Variants in RSF1 observed in about 807,000 individuals in gnomAD.
RSF1 encodes the protein remodeling and spacing factor 1.
A neutral mutation model predicts 145.2 loss-of-function variants in RSF1; 13 were observed. The observed-to-expected ratio is 0.09, with a 90% CI of 0.06 to 0.14. The LOEUF (loss-of-function observed/expected upper bound fraction) is 0.14. RSF1 is among the 10% of genes least tolerant of loss of function. The probability of loss-of-function intolerance (pLI) is 1.00; values close to 1 mark genes in which losing one functional copy is unlikely to be tolerated. For synonymous variants in RSF1, 577 were observed against 592.6 expected, an observed-to-expected ratio of 0.97 and a Z score of 0.38; for missense variants, 1,517 against 1,718.2, an observed-to-expected ratio of 0.88 and a Z score of 2.07.
chr11:77,779,476 G>C (rs1056353295), intron 1 of RSF1, among the ~76,000 whole-genome samples: 8 of 151,282 alleles, frequency 5.3e-5, no homozygotes, highest in African/African-American at 1.9e-4. Context: ...TCCGCCTCCT[G>C]GGTTCAAGCC....
chr11:77,686,500 T>C (rs1462843442), intron 9 of RSF1, among the ~76,000 whole-genome samples: 1 of 151,210 alleles, frequency 6.6e-6, no homozygotes, highest in Non-Finnish European at 1.5e-5. Flanking sequence ...TGCCTCTGTA[T>C]GTTAAATTGA....
the RSF1 span, among the ~76,000 whole-genome samples, chr11:77,863,933 CT>C: frequency 1.5e-4 from 22 of 148,022 alleles, no homozygotes; most frequent in Non-Finnish European, 2.3e-4. Flanking sequence ...AAGATGATCC[CT>C]TTTTTTTTTG....
At chr11:77,698,866 C>A (rs946644780) in intron 6 of RSF1, among the ~76,000 whole-genome samples, 173 bp from the exon 7 acceptor site, 4 of 152,048 alleles carry the variant, frequency 2.6e-5, no homozygotes, top group African/African-American at 9.7e-5. Context: ...GTATATATTT[C>A]CACTATTTTT....
intron 1 of RSF1, among the ~76,000 whole-genome samples, chr11:77,777,544 G>T (rs978072585): frequency 5.9e-5 from 9 of 152,170 alleles, no homozygotes; most frequent in Non-Finnish European, 2.9e-5. Flanking sequence ...GGTGAGCCAA[G>T]ATGGCACCAT....
the RSF1 span, chr11:77,869,194 AT>A: frequency 6.2e-3 from 1,354 of 218,198 alleles, 20 homozygotes; most frequent in African/African-American, 0.028. Context: ...TGTATTTGTC[AT>A]TTTGGCAAAT....
At chr11:77,759,136 G>A (rs2135932519) in intron 2 of RSF1, among the ~76,000 whole-genome samples, 1 of 152,270 alleles carries the variant, frequency 6.6e-6, no homozygotes, top group South Asian at 2.1e-4. Flanking sequence ...ATATGAAACA[G>A]TGTATCCACT....
chr11:77,768,159 A>G (rs568023736), intron 1 of RSF1, among the ~76,000 whole-genome samples: 4 of 137,566 alleles, frequency 2.9e-5, no homozygotes, highest in Non-Finnish European at 4.6e-5. Context: ...ACATATTATC[A>G]GCTTTTTTTT....
Position 77,740,721 on chromosome 11 carries a change from T to A in RSF1, c.578+10A>T. ...ACAAATAAGTGTAAAAAGGTTCCAATAAAAGATACCTGACAATGCATTTCC... is the reference window on the plus strand; with the variant it reads ...ACAAATAAGTGTAAAAAGGTTCCAAAAAAAGATACCTGACAATGCATTTCC... On this transcript the variant is annotated intron_variant, in intron 4 of 15. Transcript: ENST00000308488. 1 of 1,609,186 alleles carries A rather than the reference T, an allele frequency of 6.2e-7. No homozygotes were observed. The highest frequency in any genetic ancestry group is 8.5e-7 in the Non-Finnish European group (1 of 1,175,664).
rs757408319 is a variant in RSF1 at position 77,701,992 on chromosome 11, A to G, written c.1237T>C (p.Phe413Leu). The G allele has an allele frequency of 1.1e-5, 17 of 1,612,942 alleles. No homozygotes were observed. The highest frequency in any genetic ancestry group is 1.4e-5 in the Non-Finnish European group (17 of 1,179,740). ...TCTTGTTTTATTTCATCTTTCAAAA[A>G]CTCTTTTGTTGGAGTAACTGATTTA... The part of the protein sequence containing the change: ...LCKSVTPTKE[F>L]LKDEIKQEEE... Residue 413 changes from phenylalanine to leucine, a missense_variant, in exon 6 of 16, where the codon TTT becomes CTT. By Grantham distance (22) the Phe-to-Leu change is conservative (BLOSUM62 0). Around this residue, in one of 12 missense-constraint regions of RSF1, gnomAD observed 579 missense variants for 553.5 expected, o/e 1.05. Transcript: ENST00000308488.
intron 1 of RSF1, among the ~76,000 whole-genome samples, chr11:77,786,214 T>C (rs1404924360): frequency 1.3e-5 from 2 of 152,124 alleles, no homozygotes; most frequent in Non-Finnish European, 2.9e-5. Context: ...ACCATCATGC[T>C]TCCCATTAAT....
At chr11:77,788,273 AT>A (rs1948480890) in intron 1 of RSF1, among the ~76,000 whole-genome samples, 1 of 150,646 alleles carries the variant, frequency 6.6e-6, no homozygotes, top group South Asian at 2.1e-4. Flanking sequence ...AACAAAAAAA[AT>A]CAAACCTGAC....
At chr11:77,717,358 C>A (rs377033032) in intron 5 of RSF1, among the ~76,000 whole-genome samples, 2 of 152,022 alleles carry the variant, frequency 1.3e-5, no homozygotes, top group Non-Finnish European at 2.9e-5. Flanking sequence ...GTTCCTGGAC[C>A]CTCTCAACAT....
chr11:77,698,775 A>C lies in RSF1; in HGVS notation c.2509-82T>G. 2.5e-6 allele frequency: 3 copies of C among 1,191,578 alleles called. No individual in the cohort carries two copies. In the South Asian group the frequency reaches 3.9e-5, roughly 16 times the overall value. 73.8% of individuals were successfully genotyped at this position (1,191,578 alleles called of 1,614,324 possible). On this transcript the variant is annotated intron_variant, in intron 6 of 15. Transcript: ENST00000308488. ...CTCCTGATTACATGTCCATTGTATA[A>C]TAATATTCAGCCAATATACCAAAAA...
intron 1 of RSF1, among the ~76,000 whole-genome samples, chr11:77,820,188 G>A (rs954781674): frequency 1.3e-5 from 2 of 152,186 alleles, no homozygotes; most frequent in East Asian, 3.9e-4. Context: ...CCGCCAAGGG[G>A]GAGACGGGGT....
chr11:77,854,659 G>A, the RSF1 span, among the ~76,000 whole-genome samples: 3 of 152,310 alleles, frequency 2.0e-5, no homozygotes, highest in East Asian at 5.8e-4. Context: ...TGCAACCCCT[G>A]TGGCTGCTTT....
At chr11:77,683,655 G>A in intron 11 of RSF1, 55 bp downstream of exon 11, 1 of 1,136,744 alleles carries the variant, frequency 8.8e-7, no homozygotes, top group Non-Finnish European at 1.3e-6. Flanking sequence ...GGATCATGCT[G>A]TGTACTTGCA....
chr11:77,833,007 A>AT, the RSF1 span, among the ~76,000 whole-genome samples: 56 of 51,944 alleles, frequency 1.1e-3, 7 homozygotes, highest in Admixed American at 5.9e-3. Context: ...GTATATATAT[A>AT]TATTTTTTTT....
At chr11:77,763,077 AC>A (rs1948191840) in intron 2 of RSF1, 1 of 152,364 alleles carries the variant, frequency 6.6e-6, no homozygotes, top group Non-Finnish European at 1.5e-5. Flanking sequence ...ACGGTGGCTC[AC>A]GCCTGTAATC....
intron 1 of RSF1, among the ~76,000 whole-genome samples, chr11:77,765,297 G>A (rs1399718395): frequency 2.0e-5 from 3 of 152,094 alleles, no homozygotes; most frequent in Admixed American, 6.5e-5. Context: ...TGACAGATAC[G>A]ACAGAAATTA....
Sources: gnomAD v4.1 joint callset for allele counts (sites outside exome capture counted in the v4.1 genomes callset) on GRCh38, gnomAD v4.1.1 for gene constraint, gnomAD v4.1.1 regional missense constraint, MANE v1.5 for transcripts, NCBI Gene and HGNC (gene_info 2026-07-23, HGNC 2026-07-21) for gene names.